ZDHHC21: variants seen among roughly 807,000 people sequenced by gnomAD.
ZDHHC21 encodes palmitoyltransferase ZDHHC21.
Under a neutral mutation model 34.6 loss-of-function variants are expected in ZDHHC21, and 15 were observed. That is an observed-to-expected ratio of 0.43 (90% CI 0.29 to 0.67). ZDHHC21 has a LOEUF of 0.67. Among genes scored for constraint, ZDHHC21 ranks in the 30% least tolerant of loss-of-function variants. The pLI is 0.14. For missense variants in ZDHHC21, 344 were observed against 327.7 expected, an observed-to-expected ratio of 1.05 and a Z score of -0.38; for synonymous variants, 142 against 101.8, an observed-to-expected ratio of 1.40 and a Z score of -2.38.
At chr9:14,610,465 C>G (rs936615572), downstream of ZDHHC21, among the ~76,000 whole-genome samples, 3 of 151,892 alleles carry the variant, frequency 2.0e-5, no homozygotes, top group Non-Finnish European at 4.4e-5. Context: ...TATCACTAAT[C>G]TAGAATATTT....
At chr9:14,633,495 T>A (rs1036409094) in intron 8 of ZDHHC21, among the ~76,000 whole-genome samples, 5 of 152,016 alleles carry the variant, frequency 3.3e-5, no homozygotes, top group Admixed American at 1.3e-4. Context: ...TCATGCTGGG[T>A]CCCGCACAGC....
chr9:14,626,237 T>C (rs144783687), intron 8 of ZDHHC21, among the ~76,000 whole-genome samples: 28 of 152,076 alleles, frequency 1.8e-4, no homozygotes, highest in African/African-American at 5.5e-4. Context: ...ACATAAATTA[T>C]TGTGCCAAAA....
chr9:14,676,898 C>T (rs967245212), intron 3 of ZDHHC21, among the ~76,000 whole-genome samples: 1 of 151,900 alleles, frequency 6.6e-6, no homozygotes, highest in Non-Finnish European at 1.5e-5. Flanking sequence ...ATTTTATGTA[C>T]CTTTCTTTCT....
Position 14,693,229 on chromosome 9 carries a change from C to G in ZDHHC21, c.-225G>C, listed in dbSNP as rs1361700870. 2.5e-6 allele frequency: 1 copy of G among 400,244 alleles called. No homozygotes were observed. Among genetic ancestry groups the G allele is most frequent in the African/African-American group, 2.2e-5 (1 of 45,312 alleles). The allele number at this position is 400,244 out of a possible 1,614,324, so 24.8% of individuals were successfully genotyped here. On this transcript the variant is annotated splice_region_variant and 5_prime_UTR_variant, in exon 1 of 10. Coordinates refer to ENST00000380916, the MANE Select transcript of ZDHHC21 (RefSeq NM_178566.6). ...TTCGCCCCCGCGCCTGCACACTCACCGTCGCCGCTGGCTCGCCTCTCGCTG... is the reference window on the plus strand; with the variant it reads ...TTCGCCCCCGCGCCTGCACACTCACGGTCGCCGCTGGCTCGCCTCTCGCTG...
At chr9:14,682,854 A>T (rs544309612) in intron 2 of ZDHHC21, among the ~76,000 whole-genome samples, 3 of 152,356 alleles carry the variant, frequency 2.0e-5, no homozygotes, top group Admixed American at 2.0e-4. Context: ...ACCACAGTGC[A>T]ATCAAATTAG....
rs150334690 is a variant in ZDHHC21, at chr9:14,677,421, A to T, written c.-46+2612T>A. ...AATGCATAACTGGAAGAGGTGCAAG[A>T]TCTCTCCACTCAATTAATATCTACC... On this transcript the variant is annotated intron_variant, in intron 3 of 9. Coordinates refer to ENST00000380916, the MANE Select transcript of ZDHHC21 (RefSeq NM_178566.6). 9.2e-5 allele frequency: 14 copies of T among 152,122 alleles called. No individual in the cohort carries two copies. In the East Asian group the frequency reaches 2.7e-3, roughly 29 times the overall value. The allele number at this position is 152,122 out of a possible 1,614,324, so 9.4% of individuals were successfully genotyped here.
At chr9:14,661,590 G>A (rs16932132) in intron 6 of ZDHHC21, among the ~76,000 whole-genome samples, 6,368 of 152,136 alleles carry the variant, frequency 0.042, 417 homozygotes, top group African/African-American at 0.14. Context: ...CAGAATTCAC[G>A]CAGCATTTGT....
the ZDHHC21 span, among the ~76,000 whole-genome samples, chr9:14,594,396 A>G: frequency 9.2e-5 from 14 of 152,368 alleles, no homozygotes; most frequent in South Asian, 2.9e-3. Flanking sequence ...TGCTAGAAAT[A>G]AGCATTACAT....
At chr9:14,591,338 T>C in the ZDHHC21 span, among the ~76,000 whole-genome samples, 1 of 152,066 alleles carries the variant, frequency 6.6e-6, no homozygotes, top group Non-Finnish European at 1.5e-5. Flanking sequence ...TAGTGCCTTA[T>C]TAGAGGATTG....
At chr9:14,601,255 A>T in the ZDHHC21 span, among the ~76,000 whole-genome samples, 8 of 152,234 alleles carry the variant, frequency 5.3e-5, no homozygotes, top group African/African-American at 1.9e-4. Context: ...TACCCATCTG[A>T]CAAAGAGCTA....
At chr9:14,644,865 G>C (rs952696035) in intron 7 of ZDHHC21, among the ~76,000 whole-genome samples, 1 of 151,336 alleles carries the variant, frequency 6.6e-6, no homozygotes, top group African/African-American at 2.4e-5. Flanking sequence ...CTTTGCTTTA[G>C]TCTGTAGAAA....
chr9:14,660,170 A>G (rs1218858357), intron 6 of ZDHHC21, among the ~76,000 whole-genome samples: 1 of 152,064 alleles, frequency 6.6e-6, no homozygotes, highest in Non-Finnish European at 1.5e-5. Flanking sequence ...GTTTGAGACC[A>G]GCCTGGCCAA....
chr9:14,619,334 C>G (rs1824847560), intron 9 of ZDHHC21, among the ~76,000 whole-genome samples: 1 of 152,116 alleles, frequency 6.6e-6, no homozygotes, highest in Non-Finnish European at 1.5e-5. Context: ...AGGAAAATCT[C>G]AGGATTAACA....
At chr9:14,621,186 T>C (rs1199817138) in intron 8 of ZDHHC21, among the ~76,000 whole-genome samples, 1 of 152,042 alleles carries the variant, frequency 6.6e-6, no homozygotes, top group African/African-American at 2.4e-5. Flanking sequence ...ACGAGAAAGC[T>C]GAAATAGAAT....
chr9:14,619,246 C>T lies in ZDHHC21; in HGVS notation c.666-148G>A, dbSNP rs868487689. 158 of 908,078 alleles carry T rather than the reference C, an allele frequency of 1.7e-4. No homozygotes were observed. In the African/African-American group the frequency reaches 2.4e-3, roughly 14 times the overall value. 56.3% of individuals were successfully genotyped at this position (908,078 alleles called of 1,614,324 possible). On this transcript the variant is annotated intron_variant, in intron 9 of 9. Coordinates refer to ENST00000380916, the MANE Select transcript of ZDHHC21 (RefSeq NM_178566.6). ...AAATACAGCTTTTCTTTCATTATGGCATGCAGCTGAGTTTTAACTCTGGAT... is the reference window on the plus strand; with the variant it reads ...AAATACAGCTTTTCTTTCATTATGGTATGCAGCTGAGTTTTAACTCTGGAT...
intron 8 of ZDHHC21, among the ~76,000 whole-genome samples, chr9:14,624,588 A>C (rs562315952): frequency 6.6e-6 from 1 of 152,264 alleles, no homozygotes; most frequent in Admixed American, 6.5e-5. Flanking sequence ...GCAGAATCTT[A>C]AAAAAGGTGA....
At chr9:14,609,599 A>G (rs779334272), downstream of ZDHHC21, among the ~76,000 whole-genome samples, 4 of 152,100 alleles carry the variant, frequency 2.6e-5, no homozygotes, top group Non-Finnish European at 4.4e-5. Flanking sequence ...ATCAGTGGTA[A>G]TATTAATGAA....
At chr9:14,640,526 A>G (rs562934617) in intron 7 of ZDHHC21, among the ~76,000 whole-genome samples, 4 of 152,282 alleles carry the variant, frequency 2.6e-5, no homozygotes, top group East Asian at 3.9e-4. Flanking sequence ...TAATAGGATC[A>G]TAAGTACAGC....
intron 7 of ZDHHC21, among the ~76,000 whole-genome samples, chr9:14,653,135 A>G (rs866513850): frequency 3.6e-4 from 55 of 152,098 alleles, no homozygotes; most frequent in African/African-American, 1.2e-3. Flanking sequence ...ATCTTATTCC[A>G]TATCCTGAAT....
Sources: gnomAD v4.1 joint callset for allele counts (sites outside exome capture counted in the v4.1 genomes callset) on GRCh38, gnomAD v4.1.1 for gene constraint, MANE v1.5 for transcripts, NCBI Gene and HGNC (gene_info 2026-07-23, HGNC 2026-07-21) for gene names.